The following RELN variants were observed in gnomAD, a reference collection of about 807,000 sequenced individuals.
The protein encoded by RELN is reelin.
RELN carries 108 observed loss-of-function variants against 427.6 expected under a neutral mutation model. That is an observed-to-expected ratio of 0.25 (90% CI 0.22 to 0.30). The LOEUF (loss-of-function observed/expected upper bound fraction) is 0.30, where lower values mean the gene tolerates loss of function less well. RELN is among the 10% of genes least tolerant of loss of function. RELN has a pLI of 1.00. For missense variants in RELN, 3,715 were observed against 4,302.8 expected (o/e 0.86, Z 3.82); for synonymous variants, 1,524 against 1,513.4 (o/e 1.01, Z -0.16).
chr7:103,496,707 G>C lies in RELN; in HGVS notation c.9012C>G (p.Asp3004Glu). ...DYQKYISVRH[D>E]YILLPEDALT... ...GGGCATCTTCAGGAAGAAGTATGTA[G>C]TCGTGTCTAACAGAAATGTATTTCT... The change falls in exon 56 of 65, where the codon GAC (aspartate) becomes GAG (glutamate). Residue 3004 changes from aspartate to glutamate, a missense_variant. Asp to Glu is a conservative substitution (Grantham distance 45). Coordinates refer to ENST00000428762, the MANE Select transcript of RELN (RefSeq NM_005045.4). The C allele has an allele frequency of 6.2e-7, 1 of 1,614,138 alleles. No individual in the cohort carries two copies. Among genetic ancestry groups the C allele is most frequent in the Non-Finnish European group, 8.5e-7 (1 of 1,179,996 alleles).
At chr7:103,674,469 A>G (rs898524511) in intron 11 of RELN, among the ~76,000 whole-genome samples, 10 of 151,862 alleles carry the variant, frequency 6.6e-5, no homozygotes, top group Non-Finnish European at 1.5e-4. Flanking sequence ...TTAAATTCAT[A>G]TCTGCTATTC....
intron 1 of RELN, among the ~76,000 whole-genome samples, chr7:103,943,153 T>C (rs746825194): frequency 2.9e-4 from 44 of 152,220 alleles, no homozygotes; most frequent in African/African-American, 2.2e-4. Flanking sequence ...AACCGTATCA[T>C]TGAAAACCTA....
At chr7:103,541,339 C>G (rs1830173807) in intron 43 of RELN, among the ~76,000 whole-genome samples, 1 of 152,210 alleles carries the variant, frequency 6.6e-6, no homozygotes, top group Non-Finnish European at 1.5e-5. Flanking sequence ...TAACCCAACA[C>G]ACATACCCAC....
intron 58 of RELN, 69 bp from the exon 59 acceptor site, chr7:103,490,898 A>T: frequency 6.7e-7 from 1 of 1,491,836 alleles, no homozygotes; most frequent in East Asian, 2.3e-5. Flanking sequence ...TGTCAAGGTA[A>T]TGCTTTGTGA....
rs771849243 is a variant in RELN at position 103,483,742 on chromosome 7, G to A, written c.10092C>T (p.Ser3364=). 5.6e-6 allele frequency: 9 copies of A among 1,614,016 alleles called. No individual in the cohort carries two copies. Among genetic ancestry groups the A allele is most frequent in the Middle Eastern group, 3.3e-4 (2 of 6,080 alleles). ...CATGCCAGGTGATCCCGTTGTTGAC[G>A]CTGTATTGCAGCAGCACTGCCTTGT... ...AVDKAVLLQY[S]VNNGITWHVI... is the part of the protein sequence containing the mutation. The change falls in exon 62 of 65, where the codon AGC becomes AGT. Residue 3364 remains serine (S), a synonymous_variant. Transcript: ENST00000428762.
At chr7:103,498,385 A>T (rs1183165496) in intron 53 of RELN, 133 bp from the exon 54 acceptor site, 3 of 793,800 alleles carry the variant, frequency 3.8e-6, no homozygotes, top group Non-Finnish European at 6.2e-6. Context: ...AAAGATGTTT[A>T]AAAAAGGCTA....
Position 103,472,825 on chromosome 7 carries a change from C to T in RELN, c.10370G>A (p.Arg3457Lys). Residue 3457 changes from arginine to lysine, a missense_variant, in exon 65 of 65, where the codon AGG becomes AAG. This residue lies in a region of RELN where 195 missense variants were observed against 281.3 expected (regional missense o/e 0.69). Transcript: ENST00000428762. ...HFYNRRRRSL[R>K]RYP ...CTTTTTGATTCTTCATGGGTATCGC[C>T]TAAGTGACCTTCGTCTTCTGTTGTA... 1 of 1,613,596 alleles carries T rather than the reference C, an allele frequency of 6.2e-7. No homozygotes were observed. The highest frequency in any genetic ancestry group is 8.5e-7 in the Non-Finnish European group (1 of 1,179,540).
At chr7:103,873,628 CACAT>C (rs1371749509) in intron 2 of RELN, among the ~76,000 whole-genome samples, 26 of 117,258 alleles carry the variant, frequency 2.2e-4, no homozygotes, top group African/African-American at 8.0e-4. Context: ...AATTCCTCGA[CACAT>C]ACACTCTCCC....
chr7:103,839,408 C>T (rs1007882116), intron 2 of RELN, among the ~76,000 whole-genome samples: 1 of 148,116 alleles, frequency 6.8e-6, no homozygotes. Flanking sequence ...AGAGTTGCAA[C>T]TATTAGAAAT....
At chr7:103,516,059 C>G (rs1829560240) in intron 49 of RELN, among the ~76,000 whole-genome samples, 1 of 152,144 alleles carries the variant, frequency 6.6e-6, no homozygotes, top group African/African-American at 2.4e-5. Flanking sequence ...GCAAGCCCAG[C>G]ATGCTATCTA....
rs116392948 is a variant in RELN at position 103,582,200 on chromosome 7, C to G, written c.4146-6495G>C. On this transcript the variant is annotated intron_variant, in intron 28 of 64. Coordinates refer to ENST00000428762, the MANE Select transcript of RELN (RefSeq NM_005045.4). ...AAGTCAGGTGTTCAGGATGGCAGAG[C>G]CAACTTGTCAACTATGAACTGCTCA... is the stretch of plus-strand genomic sequence containing the variant. 1.5e-3 allele frequency among the ~76,000 whole-genome samples: 225 copies of G among 152,320 alleles called. 1 individual carries two copies. Among genetic ancestry groups the G allele is most frequent in the African/African-American group, 5.2e-3 (218 of 41,580 alleles).
chr7:103,713,082 A>T (rs953144159), intron 8 of RELN, among the ~76,000 whole-genome samples: 4 of 152,144 alleles, frequency 2.6e-5, no homozygotes, highest in African/African-American at 9.7e-5. Context: ...GAGAGAATTG[A>T]TCTCACAGAA....
chr7:103,704,787 T>G (rs1834165975), intron 8 of RELN, among the ~76,000 whole-genome samples: 1 of 152,220 alleles, frequency 6.6e-6, no homozygotes, highest in Non-Finnish European at 1.5e-5. Context: ...GGCTGTCCAG[T>G]GATTGCCTCC....
At chr7:103,750,130 C>A (rs1449953019) in intron 5 of RELN, among the ~76,000 whole-genome samples, 2 of 152,192 alleles carry the variant, frequency 1.3e-5, no homozygotes, top group Admixed American at 1.3e-4. Context: ...CAGGTGCCTA[C>A]TACCATGACT....
At chr7:103,713,017 A>G (rs1424453793) in intron 8 of RELN, among the ~76,000 whole-genome samples, 5 of 152,148 alleles carry the variant, frequency 3.3e-5, no homozygotes, top group East Asian at 3.9e-4. Context: ...TCTTTCCCCA[A>G]AGCTCTGCCT....
intron 16 of RELN, among the ~76,000 whole-genome samples, chr7:103,649,639 C>T (rs752572540): frequency 2.0e-5 from 3 of 150,346 alleles, no homozygotes; most frequent in Non-Finnish European, 2.9e-5. Context: ...AAGAAATGTA[C>T]AGACATGCAA....
At chr7:103,567,702 T>G (rs1381169972) in intron 31 of RELN, among the ~76,000 whole-genome samples, 1 of 151,950 alleles carries the variant, frequency 6.6e-6, no homozygotes, top group African/African-American at 2.4e-5. Flanking sequence ...ATATTCATAA[T>G]TACGACTAGG....
At chr7:103,759,016 C>T (rs552981337) in intron 4 of RELN, among the ~76,000 whole-genome samples, 2 of 151,810 alleles carry the variant, frequency 1.3e-5, no homozygotes, top group Non-Finnish European at 2.9e-5. Context: ...GCAAAGAGGA[C>T]AGAAATAGAT....
chr7:103,766,140 C>T (rs573631044), intron 4 of RELN, among the ~76,000 whole-genome samples: 1 of 152,216 alleles, frequency 6.6e-6, no homozygotes, highest in South Asian at 2.1e-4. Context: ...GAAGCAAGAT[C>T]GGGGGTTCCT....
Sources: gnomAD v4.1 joint callset for allele counts (sites outside exome capture counted in the v4.1 genomes callset) on GRCh38, gnomAD v4.1.1 for gene constraint, gnomAD v4.1.1 regional missense constraint, MANE v1.5 for transcripts, NCBI Gene and HGNC (gene_info 2026-07-23, HGNC 2026-07-21) for gene names.